Variants in LRP2 observed in about 807,000 individuals in gnomAD.
LRP2 encodes low-density lipoprotein receptor-related protein 2.
LRP2 carries 172 observed loss-of-function variants against 531.0 expected under a neutral mutation model. That is an observed-to-expected ratio of 0.32 (90% confidence interval 0.29 to 0.37). LRP2 has a LOEUF of 0.37. LRP2 is among the 10% of genes least tolerant of loss of function. The probability of loss-of-function intolerance (pLI) is 1.00; values close to 1 mark genes in which losing one functional copy is unlikely to be tolerated. For missense variants in LRP2, 5,167 were observed against 5,868.3 expected, an observed-to-expected ratio of 0.88 and a Z score of 3.90; for synonymous variants, 1,992 against 2,027.6, an observed-to-expected ratio of 0.98 and a Z score of 0.47.
At chr2:169,168,362 C>T (rs987291985) in intron 61 of LRP2, among the ~76,000 whole-genome samples, 177 bp downstream of exon 61, 1 of 152,132 alleles carries the variant, frequency 6.6e-6, no homozygotes, top group East Asian at 1.9e-4. Flanking sequence ...TCCCAACTTT[C>T]TCAGGTTACA....
In LRP2 at chr2:169,242,978, G is replaced by A; in HGVS notation, c.3645C>T (p.Asp1215=). ...NRCDGVFDCS[D]NSDEAGCPTR... is the part of the protein sequence containing the mutation. ...TACGACAGCCTGCTTCATCCGAGTT[G>A]TCACTGCAATCAAAAACACCATCAC... Residue 1215 remains aspartate (D), a synonymous_variant, in exon 24 of 79, where the codon GAC becomes GAT. Coordinates refer to ENST00000649046, the MANE Select transcript of LRP2 (RefSeq NM_004525.3). 1 of 1,613,872 alleles carries A rather than the reference G, an allele frequency of 6.2e-7. No homozygotes were observed. The highest frequency in any genetic ancestry group is 8.5e-7 in the Non-Finnish European group (1 of 1,179,820).
At chr2:169,330,771 A>G (rs541263154) in intron 1 of LRP2, among the ~76,000 whole-genome samples, 1 of 152,294 alleles carries the variant, frequency 6.6e-6, no homozygotes, top group African/African-American at 2.4e-5. Flanking sequence ...TACCACCCCC[A>G]GTGGAGAACA....
intron 3 of LRP2, among the ~76,000 whole-genome samples, chr2:169,313,793 C>T (rs938573165): frequency 3.9e-5 from 6 of 152,204 alleles, no homozygotes; most frequent in Admixed American, 3.3e-4. Flanking sequence ...GAGCTGTAGA[C>T]TGGAGCTGTT....
rs1470832288 is a variant in LRP2, at chr2:169,220,461, C to T, written c.5641G>A (p.Ala1881Thr). Reference protein sequence around the residue: ...GFPIGITVDPARGKLYWSDQG... With the variant: ...GFPIGITVDPTRGKLYWSDQG... ...CCATTTATGAATACTCACCCACGAG[C>T]AGGATCAACAGTTATGCCAATTGGA... Residue 1881 changes from alanine (A) to threonine (T), a missense_variant, in exon 34 of 79, where the codon GCT becomes ACT. By Grantham distance (58) the Ala-to-Thr change is moderately conservative (BLOSUM62 0). Around this residue, in one of 6 missense-constraint regions of LRP2, gnomAD observed 2,811 missense variants for 3,058.0 expected, o/e 0.92. Transcript: ENST00000649046. The T allele has an allele frequency of 1.2e-6, 2 of 1,612,472 alleles. No individual in the cohort carries two copies. The highest frequency in any genetic ancestry group is 1.3e-5 in the African/African-American group (1 of 74,974).
At chr2:169,168,469 C>G in intron 61 of LRP2, 70 bp downstream of exon 61, 1 of 1,585,540 alleles carries the variant, frequency 6.3e-7, no homozygotes, top group Non-Finnish European at 8.7e-7. Context: ...GGCTCACATG[C>G]TACACGTAAG....
chr2:169,339,868 T>G (rs1267044053), intron 1 of LRP2, among the ~76,000 whole-genome samples: 1 of 152,170 alleles, frequency 6.6e-6, no homozygotes, highest in Non-Finnish European at 1.5e-5. Context: ...GCTAAGGGTG[T>G]TATCACCATA....
intron 1 of LRP2, among the ~76,000 whole-genome samples, chr2:169,336,898 G>C (rs576355678): frequency 1.4e-4 from 22 of 152,166 alleles, no homozygotes; most frequent in Non-Finnish European, 3.1e-4. Flanking sequence ...TGTTCACTCT[G>C]TTTACTATAA....
In LRP2 at chr2:169,157,434, C is replaced by CGGTGG; in HGVS notation, c.11955_11956insCCACC (p.Gly3986ProfsTer23). 6.5e-7 allele frequency: 1 copy of CGGTGG among 1,533,490 alleles called. No individual in the cohort carries two copies. Among genetic ancestry groups the CGGTGG allele is most frequent in the Non-Finnish European group, 9.0e-7 (1 of 1,108,470 alleles). 95.0% of individuals were successfully genotyped at this position (1,533,490 alleles called of 1,614,324 possible). On this transcript the variant is annotated frameshift_variant, in exon 64 of 79. Transcript: ENST00000649046. LOFTEE classifies it high-confidence loss of function. The stretch of plus-strand genomic sequence containing the variant: ...CCAGCTGTACAGGAGCAGATAAATC[C>CGGTGG]TCCTTCATTTAATTGGGTACAATTT...
rs575839901 is a variant in LRP2 at position 169,168,790 on chromosome 2, A to C, written c.11498-114T>G. On this transcript the variant is annotated intron_variant, in intron 60 of 78. Transcript: ENST00000649046. ...CATTATAGCCTGCTCTTCTTTATTC[A>C]TCAAGATGTATAGTGGCCTTGACCT... 526 of 1,151,542 alleles carry C rather than the reference A, an allele frequency of 4.6e-4. 1 individual carries two copies. Among genetic ancestry groups the C allele is most frequent in the Non-Finnish European group, 2.7e-4 (215 of 783,092 alleles). The allele number at this position is 1,151,542 out of a possible 1,614,324, so 71.3% of individuals were successfully genotyped here. A position where few individuals can be genotyped will look rare whatever the true frequency, so the allele number is the denominator to read the frequency against.
intron 71 of LRP2, 142 bp downstream of exon 71, chr2:169,142,532 C>G (rs1212036247): frequency 8.7e-7 from 1 of 1,147,190 alleles, no homozygotes; most frequent in African/African-American, 1.5e-5. Context: ...CAACTCTGTT[C>G]ATACCTCCCA....
intron 42 of LRP2, 82 bp downstream of exon 42, chr2:169,203,900 C>A: frequency 6.8e-7 from 1 of 1,468,632 alleles, no homozygotes; most frequent in Non-Finnish European, 9.5e-7. Flanking sequence ...ATTTTTTCTC[C>A]TGTGAGAACT....
rs779851629 is a variant in LRP2 at position 169,273,057 on chromosome 2, C to A, written c.1986G>T (p.Pro662=). 7 of 1,613,434 alleles carry A rather than the reference C, an allele frequency of 4.3e-6. No individual in the cohort carries two copies. The East Asian group carries it at 1.3e-4, about 31-fold the overall frequency. The change falls in exon 15 of 79, where the codon CCG becomes CCT. Residue 662 remains proline (P), a synonymous_variant. Transcript: ENST00000649046. The part of the protein sequence containing the change: ...HSLRQPYATN[P]CKDNNGGCEQ... Reference sequence around the variant, plus strand: ...CACAGCCCCCATTGTTATCTTTACACGGATTGGTAGCTGGAAGGAAAAATG... The same window carrying A: ...CACAGCCCCCATTGTTATCTTTACAAGGATTGGTAGCTGGAAGGAAAAATG...
chr2:169,247,040 TCA>T (rs771631540), intron 20 of LRP2, 54 bp from the exon 21 acceptor site: 116 of 1,595,762 alleles, frequency 7.3e-5, no homozygotes, highest in Non-Finnish European at 8.7e-5. Flanking sequence ...ACTAGGTAGG[TCA>T]CGGGTTTGAT....
At chr2:169,200,653 A>G (rs146750910) in intron 44 of LRP2, among the ~76,000 whole-genome samples, 5 of 152,346 alleles carry the variant, frequency 3.3e-5, no homozygotes, top group Non-Finnish European at 5.9e-5. Context: ...CTCCTTTGTC[A>G]CCAACTCATT....
rs1317208710 is a variant in LRP2, at chr2:169,157,423, G to A, written c.11967C>T (p.Cys3989=). 6.2e-7 allele frequency: 1 copy of A among 1,613,324 alleles called. No homozygotes were observed. Among genetic ancestry groups the A allele is most frequent in the Non-Finnish European group, 8.5e-7 (1 of 1,179,522 alleles). The change falls in exon 64 of 79, where the codon TGC becomes TGT. Residue 3989 remains cysteine, a synonymous_variant. Transcript: ENST00000649046. The part of the protein sequence containing the change: ...CTQLNEGGFI[C]SCTAGFETNV... Reference sequence around the variant, plus strand: ...TGGTTTCGAACCCAGCTGTACAGGAGCAGATAAATCCTCCTTCATTTAATT... The same window carrying A: ...TGGTTTCGAACCCAGCTGTACAGGAACAGATAAATCCTCCTTCATTTAATT...
At chr2:169,210,429 G>A (rs562035311) in intron 37 of LRP2, among the ~76,000 whole-genome samples, 2 of 152,332 alleles carry the variant, frequency 1.3e-5, no homozygotes, top group East Asian at 1.9e-4. Context: ...ATAAGATTCT[G>A]TATCAACTAA....
intron 16 of LRP2, among the ~76,000 whole-genome samples, chr2:169,267,625 T>G (rs1683255006): frequency 6.6e-6 from 1 of 152,170 alleles, no homozygotes; most frequent in Non-Finnish European, 1.5e-5. Flanking sequence ...AGGAAATTTA[T>G]AGCACTAAAT....
In LRP2 at chr2:169,238,166, A is replaced by T. The variant is rs1689673513; in HGVS notation, c.4431T>A (p.Ser1477Arg). The T allele has an allele frequency of 1.2e-6, 2 of 1,614,084 alleles. No individual in the cohort carries two copies. Among genetic ancestry groups the T allele is most frequent in the Non-Finnish European group, 1.7e-6 (2 of 1,180,016 alleles). ...TTGCATCAGACCAAAAGATACGACCACTAATTGAATCAAAATCAACAGCTA... is the reference window on the plus strand; with the variant it reads ...TTGCATCAGACCAAAAGATACGACCTCTAATTGAATCAAAATCAACAGCTA... ...YIVAVDFDSI[S>R]GRIFWSDATQ... is the part of the protein sequence containing the mutation. The change falls in exon 27 of 79, where the codon AGT becomes AGA. Residue 1477 changes from serine to arginine, a missense_variant. Transcript: ENST00000649046.
At chr2:169,306,240 A>G (rs1324921078) in intron 4 of LRP2, among the ~76,000 whole-genome samples, 1 of 152,158 alleles carries the variant, frequency 6.6e-6, no homozygotes, top group Admixed American at 6.5e-5. Context: ...AGAACTTTTC[A>G]GAGAAACTAG....
Sources: gnomAD v4.1 joint callset for allele counts (sites outside exome capture counted in the v4.1 genomes callset) on GRCh38, gnomAD v4.1.1 for gene constraint, gnomAD v4.1.1 regional missense constraint, MANE v1.5 for transcripts, NCBI Gene and HGNC (gene_info 2026-07-23, HGNC 2026-07-21) for gene names.